Variants in CSMD1 observed in about 807,000 individuals in gnomAD.
CSMD1 encodes CUB and Sushi multiple domains 1, also known as CUB and sushi domain-containing protein 1.
CSMD1 carries 213 observed loss-of-function variants against 417.5 expected under a neutral mutation model. The observed-to-expected ratio is 0.51, with a 90% confidence interval of 0.46 to 0.57. The LOEUF (loss-of-function observed/expected upper bound fraction) is 0.57, where lower values mean the gene tolerates loss of function less well. CSMD1 is among the 20% of genes least tolerant of loss of function. The pLI is 0.00. For missense variants in CSMD1, 6,923 were observed against 4,529.7 expected (o/e 1.53, Z -15.17); for synonymous variants, 2,862 against 1,736.8 (o/e 1.65, Z -16.11).
chr8:3,699,904 C>G (rs372726011), intron 7 of CSMD1, among the ~76,000 whole-genome samples: 240 of 131,218 alleles, frequency 1.8e-3, no homozygotes, highest in Middle Eastern at 3.7e-3. Flanking sequence ...GGTTATATCC[C>G]ATAACTACAT....
chr8:4,104,931 T>G (rs544821670), intron 3 of CSMD1, among the ~76,000 whole-genome samples: 7 of 152,270 alleles, frequency 4.6e-5, no homozygotes, highest in African/African-American at 1.7e-4. Flanking sequence ...TACACAACAG[T>G]AGTTTAAACA....
At chr8:3,359,054 T>A (rs34346316) in intron 21 of CSMD1, 98 bp downstream of exon 21, 1 of 1,141,542 alleles carries the variant, frequency 8.8e-7, no homozygotes. Flanking sequence ...TCCTTCCTTG[T>A]CAACAAACCC....
At chr8:4,194,459 C>T (rs903234197) in intron 3 of CSMD1, among the ~76,000 whole-genome samples, 8 of 152,250 alleles carry the variant, frequency 5.3e-5, no homozygotes, top group Admixed American at 3.3e-4. Flanking sequence ...GCCTGAATTA[C>T]AATAGCGCCC....
In CSMD1 at chr8:4,217,870, A is replaced by T. The variant is rs370903434; in HGVS notation, c.416-185771T>A. ...AATGTGAAAAGGTGAGCCAGAAAGG[A>T]AACATAAGAGGAGGTGGTTTCAGAT... On this transcript the variant is annotated intron_variant, in intron 3 of 69. Coordinates refer to ENST00000635120, the MANE Select transcript of CSMD1 (RefSeq NM_033225.6). Among the ~76,000 whole-genome samples, 6 of 152,282 alleles carry T rather than the reference A, an allele frequency of 3.9e-5. No homozygotes were observed. The South Asian group carries it at 1.2e-3, about 32-fold the overall frequency.
chr8:4,992,381 C>A (rs372207219), intron 1 of CSMD1, among the ~76,000 whole-genome samples: 12 of 152,220 alleles, frequency 7.9e-5, no homozygotes, highest in Admixed American at 5.9e-4. Flanking sequence ...GGAAGGCAGC[C>A]GGAGCGTGCG....
intron 1 of CSMD1, among the ~76,000 whole-genome samples, chr8:4,860,941 T>C (rs1441747230): frequency 6.6e-6 from 1 of 152,112 alleles, no homozygotes; most frequent in Non-Finnish European, 1.5e-5. Context: ...ACTTCAGCTC[T>C]GATATCCTCA....
chr8:4,421,799 G>T lies in CSMD1; in HGVS notation c.303-1734C>A, dbSNP rs191871759. 3.7e-3 allele frequency among the ~76,000 whole-genome samples: 560 copies of T among 151,334 alleles called. 2 individuals are homozygous for T. The highest frequency in any genetic ancestry group is 6.1e-3 in the Non-Finnish European group (415 of 67,756). ...AAAGAAAAAAACAAAAAAAACTAAA[G>T]CAAACAGAAAGCAAAAAACAAGAAA... On this transcript the variant is annotated intron_variant, in intron 2 of 69. Transcript: ENST00000635120.
At chr8:3,999,611 T>A (rs1450639012) in intron 4 of CSMD1, among the ~76,000 whole-genome samples, 1 of 152,170 alleles carries the variant, frequency 6.6e-6, no homozygotes, top group Non-Finnish European at 1.5e-5. Flanking sequence ...GCACACGGTT[T>A]TTGTTCCCGG....
At chr8:3,179,162 G>GA (rs754186841) in intron 37 of CSMD1, among the ~76,000 whole-genome samples, 8,272 of 151,424 alleles carry the variant, frequency 0.055, 384 homozygotes, top group Non-Finnish European at 0.078. Context: ...AGCCAGGACT[G>GA]TCTCGATCTC....
intron 4 of CSMD1, among the ~76,000 whole-genome samples, chr8:4,028,285 C>T (rs574739351): frequency 4.6e-5 from 7 of 152,120 alleles, no homozygotes; most frequent in Non-Finnish European, 1.0e-4. Context: ...AGTCACTTTT[C>T]CTACCTGAAG....
chr8:3,975,833 A>G (rs770652089), intron 5 of CSMD1, among the ~76,000 whole-genome samples: 2 of 152,244 alleles, frequency 1.3e-5, no homozygotes, highest in African/African-American at 4.8e-5. Flanking sequence ...CATTCTTCAT[A>G]TAAAATTTTT....
intron 10 of CSMD1, among the ~76,000 whole-genome samples, chr8:3,513,694 T>C (rs1340286185): frequency 6.6e-6 from 1 of 152,138 alleles, no homozygotes; most frequent in African/African-American, 2.4e-5. Context: ...ATATAGACAC[T>C]TGGATATGTA....
intron 1 of CSMD1, among the ~76,000 whole-genome samples, chr8:4,841,637 G>A (rs1270139000): frequency 4.6e-5 from 7 of 152,032 alleles, no homozygotes; most frequent in East Asian, 1.9e-4. Flanking sequence ...CAGGTCAGGC[G>A]CGGTGGCTCA....
intron 18 of CSMD1, among the ~76,000 whole-genome samples, chr8:3,376,141 A>T (rs989580639): frequency 1.3e-5 from 2 of 152,158 alleles, no homozygotes; most frequent in African/African-American, 2.4e-5. Flanking sequence ...GGTTCTCAAT[A>T]AATGCTTGTG....
At chr8:4,828,954 A>C (rs1031272598) in intron 1 of CSMD1, among the ~76,000 whole-genome samples, 22 of 152,320 alleles carry the variant, frequency 1.4e-4, no homozygotes, top group Non-Finnish European at 4.4e-5. Flanking sequence ...TAGAGCTAGT[A>C]ATTCCTGTAA....
intron 3 of CSMD1, among the ~76,000 whole-genome samples, chr8:4,245,339 G>A (rs1451527008): frequency 6.6e-6 from 1 of 152,174 alleles, no homozygotes; most frequent in African/African-American, 2.4e-5. Context: ...GGCTGCAGAG[G>A]GTTGGGGTGG....
intron 25 of CSMD1, among the ~76,000 whole-genome samples, chr8:3,284,921 C>A (rs1418065711): frequency 2.6e-5 from 4 of 152,150 alleles, no homozygotes; most frequent in African/African-American, 9.7e-5. Flanking sequence ...AAATGGGTAA[C>A]ATAAACTCCC....
intron 5 of CSMD1, among the ~76,000 whole-genome samples, chr8:3,951,463 C>T (rs1283283667): frequency 6.6e-6 from 1 of 152,158 alleles, no homozygotes; most frequent in African/African-American, 2.4e-5. Context: ...GTATTTTCCT[C>T]CGCTTGTGGG....
At position 3,663,939 on chromosome 8, in the gene CSMD1, GT is replaced by G. The variant is rs374039849; in HGVS notation, c.1009+44474del. Among the ~76,000 whole-genome samples, 326 of 152,250 alleles carry G rather than the reference GT, an allele frequency of 2.1e-3. 1 individual carries two copies. Among genetic ancestry groups the G allele is most frequent in the Middle Eastern group, 0.014 (4 of 294 alleles). Reference sequence around the variant, plus strand: ...CTGAGTCATGTTTCAGATATTTGGGGTTCACAGAACCAAGGCTTTGTTCAAA... The same window carrying G: ...CTGAGTCATGTTTCAGATATTTGGGGTCACAGAACCAAGGCTTTGTTCAAA... On this transcript the variant is annotated intron_variant, in intron 7 of 69. Coordinates refer to ENST00000635120, the MANE Select transcript of CSMD1 (RefSeq NM_033225.6).
Sources: gnomAD v4.1 joint callset for allele counts (sites outside exome capture counted in the v4.1 genomes callset) on GRCh38, gnomAD v4.1.1 for gene constraint, MANE v1.5 for transcripts, NCBI Gene and HGNC (gene_info 2026-07-23, HGNC 2026-07-21) for gene names.